Variants in WASF3 observed in about 807,000 individuals in gnomAD.
The protein encoded by WASF3 is WASP family member 3.
WASF3 carries 11 observed loss-of-function variants against 46.6 expected under a neutral mutation model. That is an observed-to-expected ratio of 0.24 (90% CI 0.15 to 0.39). The LOEUF (loss-of-function observed/expected upper bound fraction) is 0.39, where lower values mean the gene tolerates loss of function less well. Ranked by LOEUF, WASF3 falls within the 10% of genes least tolerant of loss-of-function variation. The probability of loss-of-function intolerance (pLI) is 1.00; values close to 1 mark genes in which losing one functional copy is unlikely to be tolerated. For missense variants in WASF3, 576 were observed against 669.8 expected, an observed-to-expected ratio of 0.86 and a Z score of 1.55; for synonymous variants, 242 against 259.7, an observed-to-expected ratio of 0.93 and a Z score of 0.65.
rs571793587 is a variant in WASF3, at chr13:26,565,255, C to T, written c.-109+7436C>T. On this transcript the variant is annotated intron_variant, in intron 1 of 9. Coordinates refer to ENST00000335327, the MANE Select transcript of WASF3 (RefSeq NM_006646.6). Reference sequence around the variant, plus strand: ...TTCAAAACTTGCTTCCTGTGGTACACGGGAGAAACTCTAGTACAAGTTGAG... The same window carrying T: ...TTCAAAACTTGCTTCCTGTGGTACATGGGAGAAACTCTAGTACAAGTTGAG... 6.0e-5 allele frequency among the ~76,000 whole-genome samples: 9 copies of T among 151,138 alleles called. No homozygotes were observed. The South Asian group carries it at 1.9e-3, about 32-fold the overall frequency.
At chr13:26,557,454 G>A (rs1413936474), upstream of WASF3, among the ~76,000 whole-genome samples, 3 of 152,194 alleles carry the variant, frequency 2.0e-5, no homozygotes, top group East Asian at 3.9e-4. Flanking sequence ...CGCTGCCTAA[G>A]CCTCATCCCG....
At chr13:26,645,711 G>A (rs1275734860) in intron 3 of WASF3, among the ~76,000 whole-genome samples, 1 of 152,068 alleles carries the variant, frequency 6.6e-6, no homozygotes, top group Non-Finnish European at 1.5e-5. Flanking sequence ...GGTGGAAAAG[G>A]AAAAATATGT....
chr13:26,565,308 A>G (rs1879430387), intron 1 of WASF3, among the ~76,000 whole-genome samples: 1 of 152,148 alleles, frequency 6.6e-6, no homozygotes, highest in African/African-American at 2.4e-5. Flanking sequence ...AAGATGGTAA[A>G]GAGAGAGGGG....
rs1035271527 is a variant in WASF3, at chr13:26,678,401, T to C, written c.716+1677T>C. On this transcript the variant is annotated intron_variant, in intron 7 of 9. Transcript: ENST00000335327. Reference sequence around the variant, plus strand: ...AGAGAAACCGTTGTATGCATTTTAGTGTATTTCTCTTTAGTCTTTTTCTAT... The same window carrying C: ...AGAGAAACCGTTGTATGCATTTTAGCGTATTTCTCTTTAGTCTTTTTCTAT... 2.0e-5 allele frequency among the ~76,000 whole-genome samples: 3 copies of C among 152,330 alleles called. 1 individual carries two copies. The South Asian group carries it at 6.2e-4, about 32-fold the overall frequency.
At chr13:26,563,332 C>T (rs183742935) in intron 1 of WASF3, among the ~76,000 whole-genome samples, 61 of 152,040 alleles carry the variant, frequency 4.0e-4, no homozygotes, top group African/African-American at 1.2e-3. Flanking sequence ...AGTGTTGCAC[C>T]GCCCCCGATG....
intron 1 of WASF3, among the ~76,000 whole-genome samples, chr13:26,575,220 T>C (rs865985824): frequency 2.0e-5 from 3 of 152,252 alleles, no homozygotes; most frequent in Non-Finnish European, 4.4e-5. Flanking sequence ...CTGTTCACGA[T>C]ACAATCACCT....
chr13:26,618,010 GAAA>G (rs1282185952), intron 2 of WASF3, among the ~76,000 whole-genome samples: 1 of 152,004 alleles, frequency 6.6e-6, no homozygotes, highest in African/African-American at 2.4e-5. Flanking sequence ...CCAGCCACGT[GAAA>G]CTGTGATTCA....
At chr13:26,642,617 A>C (rs767362639) in intron 3 of WASF3, among the ~76,000 whole-genome samples, 3 of 152,228 alleles carry the variant, frequency 2.0e-5, no homozygotes, top group Admixed American at 6.5e-5. Context: ...TTACCAACTC[A>C]CAAATTATTA....
intron 6 of WASF3, 43 bp downstream of exon 6, chr13:26,672,032 AG>A (rs747722893): frequency 7.3e-7 from 1 of 1,378,544 alleles, no homozygotes; most frequent in Non-Finnish European, 1.0e-6. Flanking sequence ...CAGTGTTCAA[AG>A]GAGATTCTTG....
chr13:26,566,219 A>G (rs149500957), intron 1 of WASF3, among the ~76,000 whole-genome samples: 1 of 152,358 alleles, frequency 6.6e-6, no homozygotes, highest in East Asian at 1.9e-4. Context: ...TGTGTAAATG[A>G]AAGTTACAGA....
At chr13:26,667,731 G>A (rs1253967113) in intron 5 of WASF3, 61 bp downstream of exon 5, 23 of 1,519,048 alleles carry the variant, frequency 1.5e-5, no homozygotes, top group Non-Finnish European at 2.1e-5. Flanking sequence ...GGCAGAGCTG[G>A]GAGCAAGCTG....
intron 1 of WASF3, among the ~76,000 whole-genome samples, chr13:26,573,852 A>G (rs1000960290): frequency 1.3e-5 from 2 of 152,140 alleles, no homozygotes; most frequent in African/African-American, 2.4e-5. Flanking sequence ...AAAGGTAACC[A>G]CTAAGTTGAC....
chr13:26,569,305 C>G (rs1303019986), intron 1 of WASF3, among the ~76,000 whole-genome samples: 3 of 152,108 alleles, frequency 2.0e-5, no homozygotes, highest in African/African-American at 7.2e-5. Context: ...AATGCACATT[C>G]TTTGTAAGTA....
At chr13:26,597,663 T>G (rs66511025) in intron 1 of WASF3, among the ~76,000 whole-genome samples, 8,977 of 152,212 alleles carry the variant, frequency 0.059, 698 homozygotes, top group African/African-American at 0.17. Context: ...CCCCTTCCTG[T>G]GTCCATGTGT....
In WASF3 at chr13:26,661,028, G is replaced by A. The variant is rs960276290; in HGVS notation, c.134-4000G>A. On this transcript the variant is annotated intron_variant, in intron 3 of 9. Transcript: ENST00000335327. ...GCCAGCTCTCACAGGAACTACTAGAGCAAAAACTCGCTCACCCAGGGAGGG... is the reference window on the plus strand; with the variant it reads ...GCCAGCTCTCACAGGAACTACTAGAACAAAAACTCGCTCACCCAGGGAGGG... 2.0e-5 allele frequency among the ~76,000 whole-genome samples: 3 copies of A among 152,298 alleles called. No homozygotes were observed. The South Asian group carries it at 6.2e-4, about 32-fold the overall frequency.
chr13:26,676,753 C>T lies in WASF3; in HGVS notation c.716+29C>T. 3 of 1,586,214 alleles carry T rather than the reference C, an allele frequency of 1.9e-6. No homozygotes were observed. The South Asian group carries it at 3.5e-5, about 18-fold the overall frequency. ...TGTGTGTGTCACTGCTCCCTCAGCC[C>T]TGATGCTTGGGCAACTGGGTACTAC... On this transcript the variant is annotated intron_variant, in intron 7 of 9. Transcript: ENST00000335327.
intron 1 of WASF3, among the ~76,000 whole-genome samples, chr13:26,559,090 T>G (rs1046761302): frequency 2.0e-5 from 3 of 152,254 alleles, no homozygotes; most frequent in Non-Finnish European, 4.4e-5. Context: ...TTTTATCTGC[T>G]TGAGAGGTTA....
At chr13:26,611,031 C>CTTTTTTTT (rs71080282) in intron 1 of WASF3, among the ~76,000 whole-genome samples, 2 of 110,576 alleles carry the variant, frequency 1.8e-5, no homozygotes, top group Non-Finnish European at 3.5e-5. Flanking sequence ...TTACTTACTC[C>CTTTTTTTT]TTTTTTTTTT....
chr13:26,630,109 A>C (rs910133348), intron 2 of WASF3, among the ~76,000 whole-genome samples: 1 of 152,296 alleles, frequency 6.6e-6, no homozygotes, highest in Non-Finnish European at 1.5e-5. Context: ...AATAATGTTT[A>C]CATAGCTAGT....
Sources: gnomAD v4.1 joint callset for allele counts (sites outside exome capture counted in the v4.1 genomes callset) on GRCh38, gnomAD v4.1.1 for gene constraint, MANE v1.5 for transcripts, NCBI Gene and HGNC (gene_info 2026-07-23, HGNC 2026-07-21) for gene names.